Variants in ARHGAP22 observed in about 807,000 individuals in gnomAD.
ARHGAP22 encodes the protein rho GTPase-activating protein 22.
A neutral mutation model predicts 59.1 loss-of-function variants in ARHGAP22; 48 were observed. The ratio of observed to expected loss-of-function variants is 0.81; its 90% CI spans 0.64 to 1.03. ARHGAP22 has a LOEUF of 1.03. Ranked by LOEUF, ARHGAP22 falls within the 50% of genes least tolerant of loss-of-function variation. The pLI is 0.00. For missense variants in ARHGAP22, 1,015 were observed against 958.7 expected (o/e 1.06, Z -0.78); for synonymous variants, 445 against 416.4 (o/e 1.07, Z -0.84).
chr10:48,451,458 T>C lies in ARHGAP22; in HGVS notation c.989-318A>G, dbSNP rs527431696. 8 of 702,622 alleles carry C rather than the reference T, an allele frequency of 1.1e-5. No individual in the cohort carries two copies. In the African/African-American group the frequency reaches 1.2e-4, roughly 11 times the overall value. The allele number at this position is 702,622 out of a possible 1,614,324, so 43.5% of individuals were successfully genotyped here. A position where few individuals can be genotyped will look rare whatever the true frequency, so the allele number is the denominator to read the frequency against. On this transcript the variant is annotated intron_variant, in intron 8 of 9. Coordinates refer to ENST00000249601, the MANE Select transcript of ARHGAP22 (RefSeq NM_021226.4). ...GCACCAAGGCTGCACGGTGAGCAGGTGGCAGGTTGGAACTGGAACCTGGGA... is the reference window on the plus strand; with the variant it reads ...GCACCAAGGCTGCACGGTGAGCAGGCGGCAGGTTGGAACTGGAACCTGGGA...
intron 3 of ARHGAP22, among the ~76,000 whole-genome samples, chr10:48,539,355 G>T (rs1354809398): frequency 6.9e-6 from 1 of 144,934 alleles, no homozygotes; most frequent in Non-Finnish European, 1.5e-5. Flanking sequence ...GCAGTGGCGC[G>T]ATCTCGGCTC....
intron 1 of ARHGAP22, among the ~76,000 whole-genome samples, chr10:48,613,510 G>C (rs2060970017): frequency 6.6e-6 from 1 of 152,172 alleles, no homozygotes; most frequent in African/African-American, 2.4e-5. Flanking sequence ...GTTTCCAGTA[G>C]TTCTTAGACC....
At chr10:48,656,265 T>TGGGGGGGGGG (rs760924651), upstream of ARHGAP22, 3 of 101,658 alleles carry the variant, frequency 3.0e-5, no homozygotes, top group Admixed American at 1.7e-4. Flanking sequence ...TCGGCGCCTC[T>TGGGGGGGGGG]GGGGGGGGGG....
At chr10:48,615,262 C>T (rs2061036657) in intron 1 of ARHGAP22, among the ~76,000 whole-genome samples, 1 of 152,214 alleles carries the variant, frequency 6.6e-6, no homozygotes, top group Non-Finnish European at 1.5e-5. Flanking sequence ...CATGCTTCAA[C>T]ACACCCACAC....
upstream of ARHGAP22, among the ~76,000 whole-genome samples, chr10:48,654,707 AGAGAGAGG>A (rs2062689629): frequency 6.6e-6 from 1 of 152,048 alleles, no homozygotes; most frequent in African/African-American, 2.4e-5. Context: ...GTATGAGAGG[AGAGAGAGG>A]GAGAGAGAGA....
chr10:48,637,487 T>C (rs944703821), intron 1 of ARHGAP22, among the ~76,000 whole-genome samples: 4 of 150,332 alleles, frequency 2.7e-5, no homozygotes, highest in African/African-American at 9.9e-5. Flanking sequence ...GATGGGTGGG[T>C]AGATGGATGG....
intron 3 of ARHGAP22, among the ~76,000 whole-genome samples, chr10:48,517,841 T>C (rs533323882): frequency 6.6e-6 from 1 of 152,246 alleles, no homozygotes; most frequent in East Asian, 1.9e-4. Context: ...CTAGAGATCA[T>C]CGAGTTACGC....
chr10:48,548,479 G>C (rs2056640098), intron 3 of ARHGAP22, among the ~76,000 whole-genome samples: 1 of 152,226 alleles, frequency 6.6e-6, no homozygotes, highest in South Asian at 2.1e-4. Flanking sequence ...GCTAATTCCA[G>C]AAGACGGATT....
upstream of ARHGAP22, among the ~76,000 whole-genome samples, chr10:48,653,225 T>C (rs2062631303): frequency 6.6e-6 from 1 of 152,236 alleles, no homozygotes; most frequent in Admixed American, 6.5e-5. Context: ...GATAGTGACC[T>C]GAAACACCTT....
intron 3 of ARHGAP22, among the ~76,000 whole-genome samples, chr10:48,533,745 T>C (rs2055085095): frequency 6.6e-6 from 1 of 152,262 alleles, no homozygotes; most frequent in African/African-American, 2.4e-5. Context: ...TAAAACTTTA[T>C]GTACAATAGC....
chr10:48,581,513 A>T (rs1425146737), intron 2 of ARHGAP22, among the ~76,000 whole-genome samples: 1 of 152,172 alleles, frequency 6.6e-6, no homozygotes, highest in African/African-American at 2.4e-5. Context: ...CCTTTCTCAT[A>T]CAATCAAGGA....
intron 3 of ARHGAP22, among the ~76,000 whole-genome samples, chr10:48,536,580 C>G (rs141495324): frequency 1.6e-4 from 25 of 152,300 alleles, no homozygotes; most frequent in African/African-American, 6.0e-4. Context: ...CTCAATCCAC[C>G]CAACAGACCT....
chr10:48,561,020 T>C (rs947536156), intron 2 of ARHGAP22, among the ~76,000 whole-genome samples: 5 of 152,112 alleles, frequency 3.3e-5, no homozygotes, highest in African/African-American at 1.2e-4. Flanking sequence ...ATAAAATACA[T>C]TGGAAAGTAT....
intron 4 of ARHGAP22, chr10:48,466,504 A>G (rs2047704908): frequency 6.6e-6 from 1 of 150,592 alleles, no homozygotes; most frequent in Non-Finnish European, 1.5e-5. Flanking sequence ...CCCAGCTTCG[A>G]GCGCCTCTAT....
chr10:48,652,142 G>T, intron 1 of ARHGAP22: 1 of 1,247,278 alleles, frequency 8.0e-7, no homozygotes, highest in Non-Finnish European at 1.1e-6. Flanking sequence ...TCAGCCACAA[G>T]ACCAAGACAG....
At chr10:48,641,946 G>A (rs2136161308) in intron 1 of ARHGAP22, among the ~76,000 whole-genome samples, 1 of 152,210 alleles carries the variant, frequency 6.6e-6, no homozygotes, top group East Asian at 1.9e-4. Flanking sequence ...ACCAATAATA[G>A]ACAAACAGAG....
chr10:48,582,658 G>A (rs2135630334), intron 2 of ARHGAP22: 1 of 462,732 alleles, frequency 2.2e-6, no homozygotes, highest in Non-Finnish European at 3.9e-6. Context: ...TTGGAAGCAT[G>A]AAGGGGCCAA....
chr10:48,444,626 A>G (rs1447408978), downstream of ARHGAP22: 4 of 152,184 alleles, frequency 2.6e-5, no homozygotes, highest in Non-Finnish European at 2.9e-5. Flanking sequence ...AACCCATTTC[A>G]GTCTCCTCTG....
chr10:48,655,099 C>CT (rs1447514080), upstream of ARHGAP22, among the ~76,000 whole-genome samples: 2 of 78,324 alleles, frequency 2.6e-5, no homozygotes, highest in African/African-American at 1.0e-4. Context: ...CTTCTCTTCT[C>CT]TTCTCTTCTC....
Sources: allele counts gnomAD v4.1 joint callset (sites outside exome capture counted in the v4.1 genomes callset), GRCh38; gene constraint gnomAD v4.1.1; transcripts MANE v1.5; gene names NCBI Gene and HGNC (gene_info 2026-07-23, HGNC 2026-07-21).